LRRC57: variants seen among roughly 807,000 people sequenced by gnomAD.
LRRC57 encodes the protein leucine-rich repeat-containing protein 57.
In LRRC57, 14 loss-of-function variants were observed where a neutral mutation model predicts 23.1. The ratio of observed to expected loss-of-function variants is 0.61; its 90% CI spans 0.40 to 0.95. LRRC57 has a LOEUF of 0.95. Among genes scored for constraint, LRRC57 ranks in the 40% least tolerant of loss-of-function variants. The pLI is 0.00. For missense variants in LRRC57, 236 were observed against 284.4 expected (o/e 0.83, Z 1.22); for synonymous variants, 106 against 115.2 (o/e 0.92, Z 0.51).
chr15:42,537,252 C>CACACACACACACAT (rs1555381687), downstream of LRRC57, among the ~76,000 whole-genome samples: 32 of 151,600 alleles, frequency 2.1e-4, no homozygotes, highest in African/African-American at 7.8e-4. Flanking sequence ...CACACACACA[C>CACACACACACACAT]ACACACACAC....
intron 4 of LRRC57, 37 bp downstream of exon 4, chr15:42,547,224 C>T (rs753089716): frequency 1.2e-5 from 19 of 1,600,124 alleles, no homozygotes; most frequent in Non-Finnish European, 1.3e-5. Flanking sequence ...TAAAGCCACA[C>T]ATATGCTGTA....
downstream of LRRC57, among the ~76,000 whole-genome samples, chr15:42,536,195 G>A (rs2057600027): frequency 6.6e-6 from 1 of 152,206 alleles, no homozygotes; most frequent in African/African-American, 2.4e-5. Context: ...TTGAAATATT[G>A]TGAGAATTTT....
At chr15:42,546,594 C>G (rs937559110) in intron 4 of LRRC57, among the ~76,000 whole-genome samples, 12 of 152,140 alleles carry the variant, frequency 7.9e-5, no homozygotes, top group African/African-American at 2.4e-4. Context: ...CACTAGAAAA[C>G]TAAAGGCCAT....
At chr15:42,530,958 G>A in the LRRC57 span, among the ~76,000 whole-genome samples, 2 of 152,090 alleles carry the variant, frequency 1.3e-5, no homozygotes, top group African/African-American at 2.4e-5. Flanking sequence ...TAATAGATTC[G>A]TTTCAAAGAT....
At chr15:42,532,612 A>C in the LRRC57 span, 4 of 152,624 alleles carry the variant, frequency 2.6e-5, no homozygotes, top group African/African-American at 9.7e-5. Context: ...GTAACATGAG[A>C]ATTTCTCTCT....
At position 42,539,879 on chromosome 15, in the gene LRRC57, C is replaced by T. The variant is rs1025887119; in HGVS notation, c.*4204G>A. Reference sequence around the variant, plus strand: ...CTTAGACGCAGGAAAGAGGCTTAGACATACAGAATGAGCATATTAATTAAG... The same window carrying T: ...CTTAGACGCAGGAAAGAGGCTTAGATATACAGAATGAGCATATTAATTAAG... On this transcript the variant is annotated 3_prime_UTR_variant, in exon 6 of 6. Transcript: ENST00000397130. 1.3e-5 allele frequency: 2 copies of T among 152,070 alleles called. No individual in the cohort carries two copies. Among genetic ancestry groups the T allele is most frequent in the Non-Finnish European group, 2.9e-5 (2 of 68,004 alleles). 9.4% of individuals were successfully genotyped at this position (152,070 alleles called of 1,614,324 possible).
chr15:42,538,458 T>C lies in LRRC57; in HGVS notation c.*5625A>G, dbSNP rs1013075170. On this transcript the variant is annotated 3_prime_UTR_variant, in exon 6 of 6. Coordinates refer to ENST00000397130, the MANE Select transcript of LRRC57 (RefSeq NM_153260.3). The stretch of plus-strand genomic sequence containing the variant: ...ATTTTTTTGGAGCCACAATCTCACA[T>C]TGTTGTCCAGGCTGGCCTCAAACTC... The C allele has an allele frequency of 1.3e-5, 2 of 152,176 alleles. No individual in the cohort carries two copies. The highest frequency in any genetic ancestry group is 2.9e-5 in the Non-Finnish European group (2 of 68,032). 9.4% of individuals were successfully genotyped at this position (152,176 alleles called of 1,614,324 possible).
rs898208032 is a variant in LRRC57 at position 42,548,720 on chromosome 15, C to T, written c.-50G>A. ...CCCACCGCTCAGCTGCCGTAAGGCT[C>T]CGCAGGTGAAGACCCAGGACCCGCA... On this transcript the variant is annotated 5_prime_UTR_variant, in exon 1 of 6. Transcript: ENST00000397130. 1 of 641,844 alleles carries T rather than the reference C, an allele frequency of 1.6e-6. No homozygotes were observed. The highest frequency in any genetic ancestry group is 2.7e-6 in the Non-Finnish European group (1 of 373,978). The allele number at this position is 641,844 out of a possible 1,614,324, so 39.8% of individuals were successfully genotyped here.
chr15:42,531,388 A>G, the LRRC57 span: 4 of 1,482,746 alleles, frequency 2.7e-6, no homozygotes, highest in South Asian at 5.8e-5. Context: ...TACCTTGTAA[A>G]GCTGATATCT....
rs577273118 is a variant in LRRC57, at chr15:42,541,075, A to C, written c.*3008T>G. ...TATAAGTTCTGATTTATTAGATGAGAAGTACTGATAAAACACAGAAATGTT... is the reference window on the plus strand; with the variant it reads ...TATAAGTTCTGATTTATTAGATGAGCAGTACTGATAAAACACAGAAATGTT... On this transcript the variant is annotated 3_prime_UTR_variant, in exon 6 of 6. Transcript: ENST00000397130. 1 of 152,310 alleles carries C rather than the reference A, an allele frequency of 6.6e-6. No individual in the cohort carries two copies. The highest frequency in any genetic ancestry group is 1.9e-4 in the East Asian group (1 of 5,190). 9.4% of individuals were successfully genotyped at this position (152,310 alleles called of 1,614,324 possible).
At chr15:42,532,805 G>T in the LRRC57 span, 1 of 152,622 alleles carries the variant, frequency 6.6e-6, no homozygotes, top group Non-Finnish European at 1.5e-5. Context: ...AATTTATTCT[G>T]TAACTAAAAA....
At chr15:42,547,728 T>C (rs892445171) in intron 3 of LRRC57, 199 bp from the exon 4 acceptor site, 9 of 602,274 alleles carry the variant, frequency 1.5e-5, no homozygotes, top group Non-Finnish European at 2.3e-5. Context: ...CCGGAGAGCA[T>C]TTGTGTGTAT....
In LRRC57 at chr15:42,543,439, A is replaced by C. The variant is rs1167348046; in HGVS notation, c.*644T>G. 6.6e-6 allele frequency: 1 copy of C among 152,130 alleles called. No individual in the cohort carries two copies. The highest frequency in any genetic ancestry group is 1.5e-5 in the Non-Finnish European group (1 of 68,042). 9.4% of individuals were successfully genotyped at this position (152,130 alleles called of 1,614,324 possible). A position where few individuals can be genotyped will look rare whatever the true frequency, so the allele number is the denominator to read the frequency against. ...AGTCTTGAACTCCTAGCCTCAAGTG[A>C]GCCACCCGCCTTGGCCTCCCAAAGT... On this transcript the variant is annotated 3_prime_UTR_variant, in exon 6 of 6. Coordinates refer to ENST00000397130, the MANE Select transcript of LRRC57 (RefSeq NM_153260.3).
downstream of LRRC57, among the ~76,000 whole-genome samples, chr15:42,533,897 CT>C (rs1009722597): frequency 1.3e-5 from 2 of 152,184 alleles, no homozygotes; most frequent in African/African-American, 4.8e-5. Flanking sequence ...AGCATTATGT[CT>C]TTAAAAAGCA....
At chr15:42,532,529 G>T in the LRRC57 span, 1 of 152,478 alleles carries the variant, frequency 6.6e-6, no homozygotes, top group African/African-American at 2.4e-5. Flanking sequence ...GTAGTATCAT[G>T]GTTCCATTAC....
At chr15:42,533,996 A>G (rs1364026626), downstream of LRRC57, among the ~76,000 whole-genome samples, 1 of 152,190 alleles carries the variant, frequency 6.6e-6, no homozygotes, top group African/African-American at 2.4e-5. Flanking sequence ...AGGCCAAGGC[A>G]GATGGATCAC....
At chr15:42,544,167 G>A (rs373450966) in intron 5 of LRRC57, 43 bp from the exon 6 acceptor site, 1 of 1,493,556 alleles carries the variant, frequency 6.7e-7, no homozygotes, top group South Asian at 1.2e-5. Flanking sequence ...TTTGGCATGA[G>A]TAAATAAATA....
chr15:42,536,428 A>AATT (rs2141570641), downstream of LRRC57, among the ~76,000 whole-genome samples: 1 of 152,374 alleles, frequency 6.6e-6, no homozygotes, highest in South Asian at 2.1e-4. Flanking sequence ...AATAAGCAAT[A>AATT]GCTGCTATTC....
At chr15:42,529,724 G>A in the LRRC57 span, 1 of 1,614,128 alleles carries the variant, frequency 6.2e-7, no homozygotes, top group East Asian at 2.2e-5. Flanking sequence ...CCTGACTCAA[G>A]TGGGCAGTAT....
Sources: gnomAD v4.1 joint callset for allele counts (sites outside exome capture counted in the v4.1 genomes callset) on GRCh38, gnomAD v4.1.1 for gene constraint, MANE v1.5 for transcripts, NCBI Gene and HGNC (gene_info 2026-07-23, HGNC 2026-07-21) for gene names.